The following RNF130 variants were observed in gnomAD, a reference collection of about 807,000 sequenced individuals.
The protein encoded by RNF130 is ring finger protein 130, also known as E3 ubiquitin-protein ligase RNF130.
Under a neutral mutation model 44.6 loss-of-function variants are expected in RNF130, and 21 were observed. That is an observed-to-expected ratio of 0.47 (90% CI 0.33 to 0.68). RNF130 has a LOEUF of 0.68. Among genes scored for constraint, RNF130 ranks in the 30% least tolerant of loss-of-function variants. RNF130 has a pLI of 0.02. For synonymous variants in RNF130, 214 were observed against 210.4 expected (o/e 1.02, Z -0.15); for missense variants, 479 against 560.6 (o/e 0.85, Z 1.47).
exon 8 of RNF130, chr5:179,912,632 A>G (rs533567996): frequency 6.6e-6 from 1 of 152,390 alleles, no homozygotes; most frequent in East Asian, 1.9e-4. Flanking sequence ...GGCCCAGTCC[A>G]CAGAGCACAG....
At chr5:179,920,162 G>A in exon 8 of RNF130, 1 of 563,228 alleles carries the variant, frequency 1.8e-6, no homozygotes, top group Non-Finnish European at 3.2e-6. Flanking sequence ...TCACCTTGGG[G>A]GAACTTTGCA....
chr5:179,998,541 T>C (rs1368652150), intron 3 of RNF130, among the ~76,000 whole-genome samples: 1 of 152,076 alleles, frequency 6.6e-6, no homozygotes, highest in Non-Finnish European at 1.5e-5. Context: ...CATGAGATCC[T>C]TTCTGCCTCA....
At chr5:180,024,164 A>G (rs1187671662) in intron 2 of RNF130, among the ~76,000 whole-genome samples, 2 of 152,238 alleles carry the variant, frequency 1.3e-5, no homozygotes, top group Non-Finnish European at 2.9e-5. Context: ...GGAAAGTCTA[A>G]AAAAGTATCA....
chr5:179,983,330 GAAC>G (rs1357897727), intron 3 of RNF130, among the ~76,000 whole-genome samples: 1 of 137,240 alleles, frequency 7.3e-6, no homozygotes, highest in Non-Finnish European at 1.5e-5. Context: ...AGGTACAGAT[GAAC>G]TTTTTTTTTT....
downstream of RNF130, among the ~76,000 whole-genome samples, chr5:179,952,822 A>T (rs1762147017): frequency 6.6e-6 from 1 of 152,122 alleles, no homozygotes; most frequent in Non-Finnish European, 1.5e-5. Context: ...ATAAGCTAGA[A>T]ATAGAAGGTA....
chr5:180,062,488 G>A (rs1248036336), intron 1 of RNF130, among the ~76,000 whole-genome samples: 3 of 152,026 alleles, frequency 2.0e-5, no homozygotes, highest in African/African-American at 7.3e-5. Flanking sequence ...TATGAATTTG[G>A]GTGGGACACC....
chr5:179,947,705 C>T (rs958130337), intron 7 of RNF130, among the ~76,000 whole-genome samples: 1 of 152,160 alleles, frequency 6.6e-6, no homozygotes, highest in Non-Finnish European at 1.5e-5. Context: ...TGCAGTTAAG[C>T]ACTGTATGTG....
intron 1 of RNF130, among the ~76,000 whole-genome samples, chr5:180,061,280 A>G (rs565249107): frequency 2.6e-5 from 4 of 152,172 alleles, no homozygotes; most frequent in Non-Finnish European, 5.9e-5. Context: ...GGAAAAAACC[A>G]CAACAACTGA....
intron 3 of RNF130, among the ~76,000 whole-genome samples, chr5:180,005,705 A>T (rs1450207557): frequency 6.6e-6 from 1 of 152,192 alleles, no homozygotes; most frequent in African/African-American, 2.4e-5. Context: ...GTCACAACCT[A>T]CCTTCTCTGT....
chr5:179,951,123 T>G (rs1324721725), downstream of RNF130, among the ~76,000 whole-genome samples: 1 of 152,168 alleles, frequency 6.6e-6, no homozygotes, highest in African/African-American at 2.4e-5. Context: ...TCTCAATGGA[T>G]AGAGGTGTAT....
chr5:179,993,340 A>C (rs1030287978), intron 3 of RNF130, among the ~76,000 whole-genome samples: 62 of 152,370 alleles, frequency 4.1e-4, no homozygotes, highest in African/African-American at 1.4e-3. Flanking sequence ...AGTCCCACCA[A>C]CAGTGTAGAA....
chr5:179,951,476 C>T (rs562421845), downstream of RNF130, among the ~76,000 whole-genome samples: 22 of 152,066 alleles, frequency 1.4e-4, no homozygotes, highest in Non-Finnish European at 1.9e-4. Context: ...CTCCGCCTCC[C>T]GGGTTCACGC....
intron 1 of RNF130, among the ~76,000 whole-genome samples, chr5:180,062,055 CTTT>C (rs901554822): frequency 1.5e-5 from 2 of 134,918 alleles, no homozygotes; most frequent in Admixed American, 7.5e-5. Context: ...CCCCCAGCCT[CTTT>C]TTTTTTTTTT....
At chr5:180,048,529 T>C (rs1451275615) in intron 1 of RNF130, among the ~76,000 whole-genome samples, 1 of 152,044 alleles carries the variant, frequency 6.6e-6, no homozygotes, top group Non-Finnish European at 1.5e-5. Flanking sequence ...TCCCAGCACT[T>C]TGGGAGGCTG....
intron 3 of RNF130, among the ~76,000 whole-genome samples, chr5:179,986,342 C>A (rs2113724441): frequency 6.6e-6 from 1 of 152,352 alleles, no homozygotes; most frequent in East Asian, 1.9e-4. Flanking sequence ...TCAAGCAATA[C>A]AACTTTTTCT....
chr5:180,062,503 T>C (rs751329353), intron 1 of RNF130, among the ~76,000 whole-genome samples: 7 of 152,134 alleles, frequency 4.6e-5, no homozygotes, highest in Admixed American at 1.3e-4. Context: ...GACACCAACA[T>C]TGAGACTACA....
intron 1 of RNF130, among the ~76,000 whole-genome samples, chr5:180,041,770 G>C (rs994459266): frequency 3.3e-5 from 5 of 152,314 alleles, no homozygotes; most frequent in Middle Eastern, 3.4e-3. Flanking sequence ...GGTGACACCA[G>C]AAGTAAATAA....
Position 179,963,428 on chromosome 5 carries a change from G to A in RNF130, c.1244+43C>T, listed in dbSNP as rs773455903. The A allele has an allele frequency of 5.4e-6, 8 of 1,470,830 alleles. No homozygotes were observed. The South Asian group carries it at 9.4e-5, about 17-fold the overall frequency. 91.1% of individuals were successfully genotyped at this position (1,470,830 alleles called of 1,614,324 possible). On this transcript the variant is annotated intron_variant, in intron 8 of 8. Transcript: ENST00000521389. Reference sequence around the variant, plus strand: ...GAAAACTGCTCCATGTGTTTTCCTGGGATCATCTGGCACATGCAATCCAAA... The same window carrying A: ...GAAAACTGCTCCATGTGTTTTCCTGAGATCATCTGGCACATGCAATCCAAA...
chr5:179,938,455 G>C (rs534296594), intron 7 of RNF130, among the ~76,000 whole-genome samples: 1 of 152,136 alleles, frequency 6.6e-6, no homozygotes, highest in African/African-American at 2.4e-5. Context: ...TTTCTTTTTG[G>C]GGTGATGAAA....
Sources: gnomAD v4.1 joint callset for allele counts (sites outside exome capture counted in the v4.1 genomes callset) on GRCh38, gnomAD v4.1.1 for gene constraint, MANE v1.5 for transcripts, NCBI Gene and HGNC (gene_info 2026-07-23, HGNC 2026-07-21) for gene names.